The following SPATA22 variants were observed in gnomAD, a reference collection of about 807,000 sequenced individuals.
SPATA22 encodes the protein spermatogenesis-associated protein 22.
Under a neutral mutation model 47.8 loss-of-function variants are expected in SPATA22, and 29 were observed. The ratio of observed to expected loss-of-function variants is 0.61; its 90% CI spans 0.45 to 0.83. The LOEUF (loss-of-function observed/expected upper bound fraction) is 0.83. Ranked by LOEUF, SPATA22 falls within the 40% of genes least tolerant of loss-of-function variation. The probability of loss-of-function intolerance (pLI) is 0.00; values close to 1 mark genes in which losing one functional copy is unlikely to be tolerated. For missense variants in SPATA22, 410 were observed against 421.7 expected, an observed-to-expected ratio of 0.97 and a Z score of 0.24; for synonymous variants, 133 against 140.9, an observed-to-expected ratio of 0.94 and a Z score of 0.40.
intron 3 of SPATA22, among the ~76,000 whole-genome samples, chr17:3,463,731 C>T (rs568622419): frequency 1.3e-5 from 2 of 152,102 alleles, no homozygotes; most frequent in Non-Finnish European, 2.9e-5. Flanking sequence ...TGTTTCAGCT[C>T]CATTATATTT....
At chr17:3,484,701 G>A (rs2073689588) in intron 1 of SPATA22, among the ~76,000 whole-genome samples, 1 of 152,188 alleles carries the variant, frequency 6.6e-6, no homozygotes, top group Non-Finnish European at 1.5e-5. Context: ...TTTTAGCAAT[G>A]TCAAATTGCT....
intron 7 of SPATA22, among the ~76,000 whole-genome samples, chr17:3,446,050 A>C (rs2072719170): frequency 6.6e-6 from 1 of 152,054 alleles, no homozygotes; most frequent in African/African-American, 2.4e-5. Flanking sequence ...TCTTTGGCTC[A>C]TGGCCCCTTC....
intron 1 of SPATA22, chr17:3,498,863 TA>T (rs768121711): frequency 3.4e-6 from 5 of 1,486,518 alleles, no homozygotes. Flanking sequence ...CCAAATATAA[TA>T]TATTTATTTT....
At chr17:3,475,271 C>T (rs780262974), upstream of SPATA22, 4 of 152,156 alleles carry the variant, frequency 2.6e-5, no homozygotes, top group African/African-American at 9.7e-5. Flanking sequence ...TAACACAGTC[C>T]AGTGGAGAGT....
At position 3,508,897 on chromosome 17, in the gene SPATA22, TAAAAAAAAAA is replaced by T. The variant is rs59201485; in HGVS notation, c.-74+4505_-74+4514del. ...CACATGTACCCTAAAGCTTAAAGTA[TAAAAAAAAAA>T]AAAAAAAAAAAAAAGACTTGGCATT... On this transcript the variant is annotated intron_variant, in intron 1 of 8. Transcript: ENST00000541913. Among the ~76,000 whole-genome samples the T allele has an allele frequency of 2.5e-4, 28 of 112,996 alleles. 1 individual carries two copies. In the South Asian group the frequency reaches 6.4e-3, roughly 26 times the overall value. 74.1% of individuals were successfully genotyped at this position (112,996 alleles called of 152,430 possible).
rs73311015 is a variant in SPATA22 at position 3,490,011 on chromosome 17, T to C, written c.-73-20613A>G. 0.021 allele frequency among the ~76,000 whole-genome samples: 3,268 copies of C among 152,292 alleles called. 130 individuals are homozygous for C. The highest frequency in any genetic ancestry group is 0.073 in the African/African-American group (3,036 of 41,550). On this transcript the variant is annotated intron_variant, in intron 1 of 8. Coordinates refer to the SPATA22 transcript ENST00000541913. The surrounding 1 kb of genome is among the most constrained non-coding windows in gnomAD (Gnocchi z 4.6). ...TGGAAGAATCTTCAAAACACAATGG[T>C]AATTAGCAGAAAGCAAGTTGCAGAC...
At chr17:3,442,810 T>C (rs1176491591) in intron 8 of SPATA22, among the ~76,000 whole-genome samples, 1 of 151,928 alleles carries the variant, frequency 6.6e-6, no homozygotes, top group Non-Finnish European at 1.5e-5. Context: ...TCTTTGAAAA[T>C]CTTTCCCTGA....
At chr17:3,481,416 T>C (rs1259988498) in intron 1 of SPATA22, among the ~76,000 whole-genome samples, 1 of 152,224 alleles carries the variant, frequency 6.6e-6, no homozygotes, top group East Asian at 1.9e-4. Flanking sequence ...ATTAGTTATA[T>C]GGAATCAAAT....
intron 1 of SPATA22, among the ~76,000 whole-genome samples, chr17:3,493,582 A>AAAGG (rs1230836096): frequency 6.6e-6 from 1 of 150,878 alleles, no homozygotes; most frequent in Admixed American, 6.6e-5. Context: ...AAAAAAAAAA[A>AAAGG]AGGAAAGAAA....
At chr17:3,504,929 T>C (rs2074027687) in intron 1 of SPATA22, among the ~76,000 whole-genome samples, 3 of 152,376 alleles carry the variant, frequency 2.0e-5, no homozygotes, top group Admixed American at 2.0e-4. Flanking sequence ...ACCCTTGTTA[T>C]GAGATCTCAA....
chr17:3,497,849 C>G (rs1182001591), intron 1 of SPATA22, among the ~76,000 whole-genome samples: 1 of 152,142 alleles, frequency 6.6e-6, no homozygotes, highest in African/African-American at 2.4e-5. Flanking sequence ...AGGCCCCCAC[C>G]CCCAACCTAT....
intron 1 of SPATA22, among the ~76,000 whole-genome samples, chr17:3,507,741 G>A (rs551477340): frequency 1.3e-5 from 2 of 152,150 alleles, no homozygotes; most frequent in African/African-American, 2.4e-5. Flanking sequence ...CAACATGACC[G>A]GAAGAGCTTT....
At chr17:3,508,416 C>G (rs1050236285) in intron 1 of SPATA22, among the ~76,000 whole-genome samples, 6 of 151,828 alleles carry the variant, frequency 4.0e-5, no homozygotes, top group African/African-American at 1.5e-4. Context: ...ACCCAACGGA[C>G]TATAAATCAT....
At chr17:3,477,998 C>T (rs113079602) in intron 1 of SPATA22, among the ~76,000 whole-genome samples, 8 of 151,586 alleles carry the variant, frequency 5.3e-5, no homozygotes, top group African/African-American at 1.7e-4. Context: ...CTGGCTAACA[C>T]GGTAAAACCC....
chr17:3,508,858 A>T (rs1363403696), intron 1 of SPATA22, among the ~76,000 whole-genome samples: 1 of 146,236 alleles, frequency 6.8e-6, no homozygotes, highest in Non-Finnish European at 1.5e-5. Flanking sequence ...TATGTAACTA[A>T]CCTGCACATC....
intron 1 of SPATA22, among the ~76,000 whole-genome samples, chr17:3,470,225 T>C (rs943476954): frequency 2.6e-5 from 4 of 152,032 alleles, no homozygotes; most frequent in African/African-American, 7.3e-5. Context: ...TCTTTTACAA[T>C]AGAATTTCTC....
At chr17:3,491,867 C>G (rs375619795) in intron 1 of SPATA22, among the ~76,000 whole-genome samples, 1 of 124,558 alleles carries the variant, frequency 8.0e-6, no homozygotes, top group Non-Finnish European at 1.7e-5. Flanking sequence ...AAATTTTTTT[C>G]TTTTGTTTTC....
intron 8 of SPATA22, chr17:3,441,769 A>G (rs113183928): frequency 7.9e-5 from 12 of 152,216 alleles, no homozygotes; most frequent in South Asian, 4.1e-4. Flanking sequence ...CAACAGTGAA[A>G]TAGAAAACTG....
intron 1 of SPATA22, among the ~76,000 whole-genome samples, chr17:3,506,756 A>G (rs2074043851): frequency 6.6e-6 from 1 of 152,172 alleles, no homozygotes. Context: ...CCTGGCCAAC[A>G]TGGTGAAACC....
Sources: allele counts gnomAD v4.1 joint callset (sites outside exome capture counted in the v4.1 genomes callset), GRCh38; gene constraint gnomAD v4.1.1; non-coding constraint Gnocchi (gnomAD v3.1); transcripts MANE v1.5; gene names NCBI Gene and HGNC (gene_info 2026-07-23, HGNC 2026-07-21).